Variants in CACNA2D1 observed in about 807,000 individuals in gnomAD.
CACNA2D1 encodes the protein calcium voltage-gated channel auxiliary subunit alpha2delta 1.
CACNA2D1 carries 53 observed loss-of-function variants against 171.5 expected under a neutral mutation model. That is an observed-to-expected ratio of 0.31 (90% CI 0.25 to 0.39). CACNA2D1 has a LOEUF of 0.39. Among genes scored for constraint, CACNA2D1 ranks in the 10% least tolerant of loss-of-function variants. CACNA2D1 has a pLI of 1.00. For synonymous variants in CACNA2D1, 442 were observed against 443.1 expected, an observed-to-expected ratio of 1.00 and a Z score of 0.03; for missense variants, 903 against 1,299.8, an observed-to-expected ratio of 0.69 and a Z score of 4.69.
At chr7:82,014,576 C>T in intron 12 of CACNA2D1, 97 bp from the exon 13 acceptor site, 2 of 730,928 alleles carry the variant, frequency 2.7e-6, no homozygotes, top group Non-Finnish European at 4.9e-6. Flanking sequence ...AGAGTGCTTT[C>T]CAGTTGAATG....
chr7:81,962,607 G>GGAGT (rs1185120266), intron 34 of CACNA2D1, 112 bp from the exon 35 acceptor site: 1 of 715,440 alleles, frequency 1.4e-6, no homozygotes, highest in Admixed American at 2.5e-5. Flanking sequence ...AGAAAGTCTT[G>GGAGT]GAGTGTTTTT....
chr7:82,032,517 A>G (rs1189446496), intron 12 of CACNA2D1, among the ~76,000 whole-genome samples: 1 of 151,744 alleles, frequency 6.6e-6, no homozygotes, highest in Non-Finnish European at 1.5e-5. Context: ...CTCTATTTTA[A>G]TAACATTTTA....
chr7:82,400,181 G>A (rs1270340642), intron 1 of CACNA2D1, among the ~76,000 whole-genome samples: 1 of 151,010 alleles, frequency 6.6e-6, no homozygotes, highest in Non-Finnish European at 1.5e-5. Flanking sequence ...ACTTGGCGAT[G>A]CGGGCTCTTT....
intron 3 of CACNA2D1, among the ~76,000 whole-genome samples, chr7:82,297,535 T>C (rs1812451422): frequency 6.6e-6 from 1 of 151,454 alleles, no homozygotes; most frequent in African/African-American, 2.4e-5. Context: ...TCAACATTCC[T>C]TTTCAAAAAA....
chr7:82,008,574 A>G (rs149902877), intron 15 of CACNA2D1, among the ~76,000 whole-genome samples: 68 of 152,238 alleles, frequency 4.5e-4, no homozygotes, highest in African/African-American at 1.6e-3. Context: ...AATTTTAACC[A>G]TTTCATGTCA....
intron 3 of CACNA2D1, among the ~76,000 whole-genome samples, chr7:82,300,196 AT>A (rs139246390): frequency 0.025 from 3,802 of 150,422 alleles, 155 homozygotes; most frequent in African/African-American, 0.088. Context: ...AAGTTAGGGA[AT>A]TTTTTTTTTA....
chr7:82,414,269 T>C (rs893177940), intron 1 of CACNA2D1, among the ~76,000 whole-genome samples: 2 of 152,190 alleles, frequency 1.3e-5, no homozygotes, highest in African/African-American at 4.8e-5. Flanking sequence ...CACATATACA[T>C]TGCCTCATTT....
intron 4 of CACNA2D1, among the ~76,000 whole-genome samples, chr7:82,165,150 T>C (rs1353639388): frequency 2.0e-5 from 3 of 152,010 alleles, no homozygotes; most frequent in African/African-American, 4.8e-5. Flanking sequence ...CCTGAAAATA[T>C]AGAGAACCAC....
At chr7:82,016,062 C>T (rs1800407359) in intron 12 of CACNA2D1, among the ~76,000 whole-genome samples, 1 of 152,006 alleles carries the variant, frequency 6.6e-6, no homozygotes, top group Non-Finnish European at 1.5e-5. Flanking sequence ...TGGTTTTTTT[C>T]TCTCTCTCAA....
At chr7:82,039,570 G>A (rs1375477063) in intron 10 of CACNA2D1, among the ~76,000 whole-genome samples, 1 of 152,016 alleles carries the variant, frequency 6.6e-6, no homozygotes, top group Non-Finnish European at 1.5e-5. Context: ...ATCCTGCATT[G>A]CCTCTCAATA....
intron 37 of CACNA2D1, 117 bp from the exon 38 acceptor site, chr7:81,959,474 C>A: frequency 1.3e-6 from 1 of 793,078 alleles, no homozygotes; most frequent in Admixed American, 2.0e-5. Flanking sequence ...TCATTACTCT[C>A]ATCCAACACA....
At chr7:82,145,089 T>C (rs1792824481) in intron 4 of CACNA2D1, among the ~76,000 whole-genome samples, 2 of 151,338 alleles carry the variant, frequency 1.3e-5, no homozygotes, top group Non-Finnish European at 1.5e-5. Context: ...TCAATGTCAT[T>C]TTATGTATTG....
intron 6 of CACNA2D1, among the ~76,000 whole-genome samples, chr7:82,108,722 T>G (rs1788037977): frequency 6.6e-6 from 1 of 152,202 alleles, no homozygotes; most frequent in Non-Finnish European, 1.5e-5. Flanking sequence ...TGAATATGCA[T>G]GTATTACATA....
intron 6 of CACNA2D1, among the ~76,000 whole-genome samples, chr7:82,096,118 G>A (rs968872087): frequency 1.3e-5 from 2 of 152,082 alleles, no homozygotes; most frequent in Non-Finnish European, 2.9e-5. Flanking sequence ...ACCTTTCTAA[G>A]CTCTTGAGCA....
intron 3 of CACNA2D1, among the ~76,000 whole-genome samples, chr7:82,301,812 C>T (rs1313828287): frequency 6.6e-6 from 1 of 151,428 alleles, no homozygotes; most frequent in African/African-American, 2.4e-5. Flanking sequence ...GGCTGGAGTG[C>T]AGTTGTGCAA....
chr7:82,087,697 C>A (rs1810641013), intron 6 of CACNA2D1, among the ~76,000 whole-genome samples: 1 of 151,924 alleles, frequency 6.6e-6, no homozygotes, highest in South Asian at 2.1e-4. Flanking sequence ...ACTAATAAAC[C>A]TATATTACTC....
At chr7:82,243,716 T>A (rs1273437413) in intron 3 of CACNA2D1, among the ~76,000 whole-genome samples, 1 of 152,196 alleles carries the variant, frequency 6.6e-6, no homozygotes, top group East Asian at 1.9e-4. Context: ...ACTCCCACCA[T>A]GCTACATGGG....
At chr7:82,298,635 G>T (rs754811024) in intron 3 of CACNA2D1, among the ~76,000 whole-genome samples, 1 of 151,448 alleles carries the variant, frequency 6.6e-6, no homozygotes, top group South Asian at 2.1e-4. Context: ...GAAAGCAATG[G>T]CTTTTCACAG....
At chr7:82,375,227 C>A (rs1376834747) in intron 1 of CACNA2D1, among the ~76,000 whole-genome samples, 1 of 152,150 alleles carries the variant, frequency 6.6e-6, no homozygotes, top group Non-Finnish European at 1.5e-5. Context: ...CACTGAAACA[C>A]TGAGGTCTTT....
Sources: gnomAD v4.1 joint callset for allele counts (sites outside exome capture counted in the v4.1 genomes callset) on GRCh38, gnomAD v4.1.1 for gene constraint, MANE v1.5 for transcripts, NCBI Gene and HGNC (gene_info 2026-07-23, HGNC 2026-07-21) for gene names.